NPHP3: variants seen among roughly 807,000 people sequenced by gnomAD.
NPHP3 encodes the protein nephrocystin-3.
A neutral mutation model predicts 171.9 loss-of-function variants in NPHP3; 123 were observed. The ratio of observed to expected loss-of-function variants is 0.72; its 90% CI spans 0.62 to 0.83. The LOEUF is 0.83. Among genes scored for constraint, NPHP3 ranks in the 40% least tolerant of loss-of-function variants. The pLI is 0.00. For missense variants in NPHP3, 1,506 were observed against 1,591.9 expected, an observed-to-expected ratio of 0.95 and a Z score of 0.92; for synonymous variants, 558 against 579.2, an observed-to-expected ratio of 0.96 and a Z score of 0.52.
Position 132,716,228 on chromosome 3 carries a change from T to C in NPHP3, c.823+529A>G, listed in dbSNP as rs942684690. ...AATACCTCATGCAATGTAAATACTA[T>C]ATAAATAGTTGTTATACTGTATTGT... is the stretch of plus-strand genomic sequence containing the variant. On this transcript the variant is annotated intron_variant, in intron 4 of 26. Coordinates refer to ENST00000337331, the MANE Select transcript of NPHP3 (RefSeq NM_153240.5). Among the ~76,000 whole-genome samples, 67 of 152,378 alleles carry C rather than the reference T, an allele frequency of 4.4e-4. 1 individual carries two copies. Among genetic ancestry groups the C allele is most frequent in the Admixed American group, 2.2e-3 (34 of 15,302 alleles).
chr3:132,711,418 AAG>A (rs1257690248), intron 6 of NPHP3, among the ~76,000 whole-genome samples: 2 of 152,182 alleles, frequency 1.3e-5, no homozygotes, highest in East Asian at 1.9e-4. Flanking sequence ...ATTTTACTAA[AAG>A]GGGATAAACT....
intron 2 of NPHP3, 54 bp downstream of exon 2, chr3:132,719,651 G>T: frequency 8.3e-7 from 1 of 1,207,260 alleles, no homozygotes; most frequent in Non-Finnish European, 1.1e-6. Flanking sequence ...TATACTTTTA[G>T]AATATACTAT....
chr3:132,695,853 G>C (rs6772409), intron 15 of NPHP3, among the ~76,000 whole-genome samples: 23,995 of 152,150 alleles, frequency 0.16, 3,198 homozygotes, highest in East Asian at 0.58. Context: ...AGGATCGCTT[G>C]AGTCTGGGAG....
Position 132,722,144 on chromosome 3 carries a change from C to A in NPHP3, c.212G>T (p.Gly71Val), listed in dbSNP as rs2108007858. Reference protein sequence around the residue: ...PRGVGAGGLLGASFKSTGSSV... With the variant: ...PRGVGAGGLLVASFKSTGSSV... The stretch of plus-strand genomic sequence containing the variant: ...CGAGCCAGTGGACTTGAAGCTGGCC[C>A]CCAGCAGCCCGCCCGCGCCCACCCC... Residue 71 changes from glycine (G) to valine (V), a missense_variant, in exon 1 of 27, where the codon GGG (glycine) becomes GTG (valine). Physicochemically the swap from Gly to Val is moderately radical, Grantham distance 109 (BLOSUM62 -3). Coordinates refer to ENST00000337331, the MANE Select transcript of NPHP3 (RefSeq NM_153240.5). 6.3e-7 allele frequency: 1 copy of A among 1,591,444 alleles called. No individual in the cohort carries two copies. Among genetic ancestry groups the A allele is most frequent in the Non-Finnish European group, 8.5e-7 (1 of 1,174,504 alleles).
chr3:132,685,117 C>A, intron 23 of NPHP3: 1 of 306,046 alleles, frequency 3.3e-6, no homozygotes, highest in South Asian at 3.3e-5. Context: ...TTTGTATTCA[C>A]TCTTCCTCCC....
rs200046908 is a variant in NPHP3, at chr3:132,690,511, T to C, written c.2693+17A>G. 3.2e-3 allele frequency: 5,141 copies of C among 1,608,792 alleles called. 11 individuals are homozygous for C. The highest frequency in any genetic ancestry group is 3.7e-3 in the Non-Finnish European group (4,347 of 1,175,254). ...AATCTCTCTTTCTGGGGAAAGATGT[T>C]CTATAATGTTTCTTACCTTTTATAA... On this transcript the variant is annotated intron_variant, in intron 19 of 26. Transcript: ENST00000337331.
chr3:132,715,151 A>T lies in NPHP3; in HGVS notation c.891T>A (p.Ser297Arg). ...AAATGAGGTAACATCTGACAGTGTTACTCCACAGAGAATGTGAAAACAGAG... is the reference window on the plus strand; with the variant it reads ...AAATGAGGTAACATCTGACAGTGTTTCTCCACAGAGAATGTGAAAACAGAG... ...VTPLFSHSLW[S>R]NTVRCYLIYT... The change falls in exon 5 of 27, where the codon AGT becomes AGA. Residue 297 changes from serine to arginine, a missense_variant. Coordinates refer to ENST00000337331, the MANE Select transcript of NPHP3 (RefSeq NM_153240.5). The T allele has an allele frequency of 1.9e-6, 3 of 1,610,266 alleles. No homozygotes were observed. The highest frequency in any genetic ancestry group is 2.5e-6 in the Non-Finnish European group (3 of 1,176,564).
At chr3:132,692,873 C>T (rs987046429) in intron 16 of NPHP3, 55 bp from the exon 17 acceptor site, 50 of 1,448,406 alleles carry the variant, frequency 3.5e-5, no homozygotes, top group East Asian at 2.5e-4. Flanking sequence ...AAGTAACTAA[C>T]GGCCATTAAA....
chr3:132,688,841 A>G lies in NPHP3; in HGVS notation c.2934T>C (p.Asp978=). 6.2e-7 allele frequency: 1 copy of G among 1,614,090 alleles called. No homozygotes were observed. The highest frequency in any genetic ancestry group is 8.5e-7 in the Non-Finnish European group (1 of 1,179,990). The part of the protein sequence containing the change: ...RSLEIRETAL[D]PDHPRVAQSL... ...ACTGGGCTACTCTTGGGTGATCGGG[A>G]TCTAAAGCTGTTTCTCGAATCTCTA... Residue 978 remains aspartate, a synonymous_variant, in exon 21 of 27, where the codon GAT becomes GAC. Coordinates refer to ENST00000337331, the MANE Select transcript of NPHP3 (RefSeq NM_153240.5).
intron 4 of NPHP3, among the ~76,000 whole-genome samples, chr3:132,715,460 A>G (rs1940024161): frequency 6.6e-6 from 1 of 152,224 alleles, no homozygotes; most frequent in African/African-American, 2.4e-5. Flanking sequence ...GGTTCCAGTC[A>G]AGTGTCATGA....
chr3:132,698,908 T>A (rs1234310979), intron 13 of NPHP3, among the ~76,000 whole-genome samples: 1 of 152,174 alleles, frequency 6.6e-6, no homozygotes, highest in East Asian at 1.9e-4. Flanking sequence ...CCCTTTTTTT[T>A]TGGAGACAGG....
Position 132,682,807 on chromosome 3 carries a change from A to C in NPHP3, c.3708T>G (p.Val1236=), listed in dbSNP as rs1438552280. The change falls in exon 26 of 27, where the codon GTT becomes GTG. Residue 1236 remains valine, a synonymous_variant. Coordinates refer to ENST00000337331, the MANE Select transcript of NPHP3 (RefSeq NM_153240.5). ...CTCTTTCATATAATGGCAAAGCTTCAACGTGTTTTTTCTTATTAAAAAAAA... is the reference window on the plus strand; with the variant it reads ...CTCTTTCATATAATGGCAAAGCTTCCACGTGTTTTTTCTTATTAAAAAAAA... ...AVLYSQMKKH[V]EALPLYERAL... The C allele has an allele frequency of 2.5e-6, 4 of 1,607,518 alleles. No homozygotes were observed. The African/African-American group carries it at 4.0e-5, about 16-fold the overall frequency.
In NPHP3 at chr3:132,681,631, C is replaced by T; in HGVS notation, c.*279G>A. On this transcript the variant is annotated 3_prime_UTR_variant, in exon 27 of 27. Transcript: ENST00000337331. ...TCTGCCAGCTCTTGTTGAACAAAGA[C>T]CAATCCGCTCTTCATGATTTGCTCC... 1 of 391,642 alleles carries T rather than the reference C, an allele frequency of 2.6e-6. No homozygotes were observed. The highest frequency in any genetic ancestry group is 2.3e-5 in the South Asian group (1 of 43,012). 24.3% of individuals were successfully genotyped at this position (391,642 alleles called of 1,614,324 possible).
intron 24 of NPHP3, among the ~76,000 whole-genome samples, chr3:132,684,128 A>G (rs936100693): frequency 6.6e-6 from 1 of 152,230 alleles, no homozygotes; most frequent in Non-Finnish European, 1.5e-5. Flanking sequence ...TTACAGGCAA[A>G]GCCAAGAAAG....
At chr3:132,698,249 G>A (rs1340181352) in intron 13 of NPHP3, among the ~76,000 whole-genome samples, 1 of 152,060 alleles carries the variant, frequency 6.6e-6, no homozygotes, top group Admixed American at 6.6e-5. Flanking sequence ...AAAGTGTTGG[G>A]ATTACAGGCA....
In NPHP3 at chr3:132,697,007, G is replaced by C. The variant is rs77577514; in HGVS notation, c.2089-194C>G. ...CAACTGCAGACCACAGATATGGCCA[G>C]TATGAAAATGCTCTTTTGCTTTTAA... On this transcript the variant is annotated intron_variant, in intron 14 of 26. Transcript: ENST00000337331. 0.071 allele frequency among the ~76,000 whole-genome samples: 10,741 copies of C among 152,298 alleles called. 435 individuals carry two copies. The highest frequency in any genetic ancestry group is 0.11 in the African/African-American group (4,466 of 41,546).
rs1939083196 is a variant in NPHP3 at position 132,683,518 on chromosome 3, G to T, written c.3577C>A (p.Leu1193Ile). 1 of 1,611,978 alleles carries T rather than the reference G, an allele frequency of 6.2e-7. No homozygotes were observed. Among genetic ancestry groups the T allele is most frequent in the Non-Finnish European group, 8.5e-7 (1 of 1,178,646 alleles). ...LAILYKKMGK[L>I]DKAVPLYELA... The stretch of plus-strand genomic sequence containing the variant: ...TCATACAAAGGTACAGCTTTGTCAA[G>T]TTTCCCCTAAAAAACAAGAGTTAAA... The change falls in exon 25 of 27, where the codon CTT becomes ATT. Residue 1193 changes from leucine (L) to isoleucine (I), a missense_variant. By Grantham distance (5) the Leu-to-Ile change is conservative. Coordinates refer to ENST00000337331, the MANE Select transcript of NPHP3 (RefSeq NM_153240.5).
intron 17 of NPHP3, 109 bp from the exon 18 acceptor site, chr3:132,691,395 T>C: frequency 1.3e-6 from 1 of 765,232 alleles, no homozygotes; most frequent in Non-Finnish European, 2.3e-6. Context: ...TATAGCTGTA[T>C]AATAGAAATG....
At chr3:132,701,353 G>T in intron 10 of NPHP3, 77 bp downstream of exon 10, 1 of 994,460 alleles carries the variant, frequency 1.0e-6, no homozygotes, top group Non-Finnish European at 1.6e-6. Context: ...CAGGAAGGCA[G>T]GCATGCAATA....
Sources: gnomAD v4.1 joint callset for allele counts (sites outside exome capture counted in the v4.1 genomes callset) on GRCh38, gnomAD v4.1.1 for gene constraint, MANE v1.5 for transcripts, NCBI Gene and HGNC (gene_info 2026-07-23, HGNC 2026-07-21) for gene names.